The following TBC1D12 variants were observed in gnomAD, a reference collection of about 807,000 sequenced individuals.
TBC1D12 encodes TBC1 domain family, member 12.
A neutral mutation model predicts 86.7 loss-of-function variants in TBC1D12; 56 were observed. The observed-to-expected ratio is 0.65, with a 90% CI of 0.52 to 0.81. TBC1D12 has a LOEUF of 0.81. Ranked by LOEUF, TBC1D12 falls within the 30% of genes least tolerant of loss-of-function variation. TBC1D12 has a pLI of 0.00. For missense variants in TBC1D12, 1,023 were observed against 1,038.8 expected, an observed-to-expected ratio of 0.98 and a Z score of 0.21; for synonymous variants, 421 against 411.7, an observed-to-expected ratio of 1.02 and a Z score of -0.27.
intron 1 of TBC1D12, among the ~76,000 whole-genome samples, chr10:94,429,734 C>A (rs1210152454): frequency 6.6e-6 from 1 of 151,936 alleles, no homozygotes; most frequent in African/African-American, 2.4e-5. Flanking sequence ...TGATTCTATC[C>A]CCTCCACTTT....
chr10:94,402,659 A>G lies in TBC1D12; in HGVS notation c.46A>G (p.Lys16Glu). 6.2e-7 allele frequency: 1 copy of G among 1,611,214 alleles called. No homozygotes were observed. The highest frequency in any genetic ancestry group is 8.5e-7 in the Non-Finnish European group (1 of 1,179,396). The stretch of plus-strand genomic sequence containing the variant: ...CGGAGCCTGCTCGGGAAGAAACCCC[A>G]AGTTGCTCCCGGTGCCTGCGCCGGA... The part of the protein sequence containing the change: ...DAGACSGRNP[K>E]LLPVPAPDPV... The change falls in exon 1 of 13, where the codon AAG becomes GAG. Residue 16 changes from lysine to glutamate, a missense_variant. Lys to Glu is a moderately conservative substitution (Grantham distance 56). Around this residue, in one of 2 missense-constraint regions of TBC1D12, gnomAD observed 628 missense variants for 531.1 expected, o/e 1.18. Coordinates refer to ENST00000225235, the MANE Select transcript of TBC1D12 (RefSeq NM_015188.2).
intron 1 of TBC1D12, among the ~76,000 whole-genome samples, chr10:94,422,537 A>AT (rs2055089663): frequency 1.3e-5 from 2 of 150,828 alleles, no homozygotes; most frequent in African/African-American, 4.9e-5. Context: ...TACCTTATTT[A>AT]TTTTTTCTTC....
At chr10:94,453,389 ATGTC>A (rs915514903) in intron 2 of TBC1D12, among the ~76,000 whole-genome samples, 34 of 152,244 alleles carry the variant, frequency 2.2e-4, no homozygotes, top group African/African-American at 8.2e-4. Flanking sequence ...GTGTGCATGT[ATGTC>A]TGTGTGTGTG....
rs912215283 is a variant in TBC1D12 at position 94,441,757 on chromosome 10, A to G, written c.972-139A>G. On this transcript the variant is annotated intron_variant, in intron 1 of 12. Coordinates refer to ENST00000225235, the MANE Select transcript of TBC1D12 (RefSeq NM_015188.2). ...TAATTGAGCCTTATTATTCTAAGTA[A>G]TAGTGGTATAAGTAGTAGAAATAGT... 6 of 748,346 alleles carry G rather than the reference A, an allele frequency of 8.0e-6. No homozygotes were observed. The African/African-American group carries it at 1.1e-4, about 13-fold the overall frequency. 46.4% of individuals were successfully genotyped at this position (748,346 alleles called of 1,614,324 possible).
rs1842473909 is a variant in TBC1D12 at position 94,533,249 on chromosome 10, TAAATG to T, written c.*158_*162del. 1 of 503,798 alleles carries T rather than the reference TAAATG, an allele frequency of 2.0e-6. No individual in the cohort carries two copies. Among genetic ancestry groups the T allele is most frequent in the Non-Finnish European group, 3.5e-6 (1 of 289,800 alleles). The allele number at this position is 503,798 out of a possible 1,614,324, so 31.2% of individuals were successfully genotyped here. A position where few individuals can be genotyped will look rare whatever the true frequency, so the allele number is the denominator to read the frequency against. On this transcript the variant is annotated 3_prime_UTR_variant, in exon 13 of 13. Coordinates refer to ENST00000225235, the MANE Select transcript of TBC1D12 (RefSeq NM_015188.2). ...CTGATTTTACATTTTATGGCTGAAG[TAAATG>T]AAATAAGTAACTTATTGACAGTATT...
At position 94,403,442 on chromosome 10, in the gene TBC1D12, T is replaced by C. The variant is rs2054800387; in HGVS notation, c.829T>C (p.Phe277Leu). The stretch of plus-strand genomic sequence containing the variant: ...CATTCACTTCAACTCTCGCAACACG[T>C]TCCAGGTGAGCCGCGGTCAGAGCGC... The part of the protein sequence containing the change: ...SDIHFNSRNT[F>L]QVSRGQSARD... The change falls in exon 1 of 13, where the codon TTC (phenylalanine) becomes CTC (leucine). Residue 277 changes from phenylalanine to leucine, a missense_variant. Phe to Leu is a conservative substitution (Grantham distance 22). This residue lies in a region of TBC1D12 where 628 missense variants were observed against 531.1 expected (regional missense o/e 1.18). Transcript: ENST00000225235. The C allele has an allele frequency of 6.5e-7, 1 of 1,546,990 alleles. No homozygotes were observed. Among genetic ancestry groups the C allele is most frequent in the Non-Finnish European group, 8.7e-7 (1 of 1,146,480 alleles).
intron 1 of TBC1D12, among the ~76,000 whole-genome samples, chr10:94,418,797 G>A (rs1332610632): frequency 1.3e-5 from 2 of 151,512 alleles, no homozygotes; most frequent in African/African-American, 2.4e-5. Flanking sequence ...GGTCTTGAAC[G>A]CCTGACCTCA....
intron 1 of TBC1D12, among the ~76,000 whole-genome samples, chr10:94,437,404 C>T (rs113742603): frequency 2.4e-4 from 37 of 151,942 alleles, no homozygotes; most frequent in African/African-American, 7.5e-4. Context: ...TGGCTCACTG[C>T]GAGCTCCGCC....
At chr10:94,524,580 A>G (rs954971338) in intron 11 of TBC1D12, among the ~76,000 whole-genome samples, 2 of 151,972 alleles carry the variant, frequency 1.3e-5, no homozygotes, top group African/African-American at 2.4e-5. Flanking sequence ...TTCTACTAAA[A>G]ATAGAAAAAT....
chr10:94,433,605 A>G (rs1303938244), intron 1 of TBC1D12, among the ~76,000 whole-genome samples: 1 of 152,230 alleles, frequency 6.6e-6, no homozygotes, highest in Non-Finnish European at 1.5e-5. Context: ...GTAAAGCTAT[A>G]GAGACATAAA....
At chr10:94,423,667 T>C (rs891574945) in intron 1 of TBC1D12, among the ~76,000 whole-genome samples, 1 of 152,118 alleles carries the variant, frequency 6.6e-6, no homozygotes, top group Non-Finnish European at 1.5e-5. Flanking sequence ...ATTTTTTAAC[T>C]TTCTCAATCT....
intron 1 of TBC1D12, among the ~76,000 whole-genome samples, chr10:94,422,035 T>C (rs1413324768): frequency 1.3e-5 from 2 of 152,204 alleles, no homozygotes; most frequent in Non-Finnish European, 2.9e-5. Context: ...TTAAATTTTA[T>C]GTATATACAG....
At chr10:94,495,967 G>A (rs1293276835) in intron 4 of TBC1D12, among the ~76,000 whole-genome samples, 1 of 152,092 alleles carries the variant, frequency 6.6e-6, no homozygotes, top group Non-Finnish European at 1.5e-5. Context: ...GCTGGGCATG[G>A]TGGTGTGACC....
In TBC1D12 at chr10:94,535,756, G is replaced by A. The variant is rs1842529416; in HGVS notation, c.*2660G>A. On this transcript the variant is annotated 3_prime_UTR_variant, in exon 13 of 13. Transcript: ENST00000225235. ...TGACTAAATTTAATCATACTTTCAT[G>A]TATTTGTTTCCTCAGTTGGACCTAA... 1 of 152,064 alleles carries A rather than the reference G, an allele frequency of 6.6e-6. No individual in the cohort carries two copies. Among genetic ancestry groups the A allele is most frequent in the Non-Finnish European group, 1.5e-5 (1 of 67,978 alleles). 9.4% of individuals were successfully genotyped at this position (152,064 alleles called of 1,614,324 possible).
At chr10:94,437,181 ATTG>A (rs2055312144) in intron 1 of TBC1D12, among the ~76,000 whole-genome samples, 1 of 151,616 alleles carries the variant, frequency 6.6e-6, no homozygotes, top group Non-Finnish European at 1.5e-5. Context: ...CCTCTCACTT[ATTG>A]TTTTCAAAAT....
intron 4 of TBC1D12, among the ~76,000 whole-genome samples, chr10:94,496,468 A>G (rs1429068854): frequency 6.6e-6 from 1 of 152,212 alleles, no homozygotes; most frequent in Non-Finnish European, 1.5e-5. Flanking sequence ...TGCTACTGAC[A>G]AAATCATTTT....
intron 6 of TBC1D12, among the ~76,000 whole-genome samples, chr10:94,504,871 T>C (rs2056441448): frequency 6.6e-6 from 1 of 152,220 alleles, no homozygotes; most frequent in African/African-American, 2.4e-5. Context: ...AAGTATTCTC[T>C]GTTCAAGTCC....
intron 1 of TBC1D12, among the ~76,000 whole-genome samples, chr10:94,421,635 AT>A (rs371845686): frequency 5.1e-4 from 77 of 152,288 alleles, no homozygotes; most frequent in African/African-American, 1.8e-3. Context: ...AAGCTGCAGC[AT>A]TTTACATTCC....
At position 94,483,512 on chromosome 10, in the gene TBC1D12, G is replaced by A. The variant is rs1266833616; in HGVS notation, c.1211+8729G>A. On this transcript the variant is annotated intron_variant, in intron 3 of 12. Transcript: ENST00000225235. ...TTTGATTTGCATTTCTCTGATCAGTGATGTTGAGCACCTTTGAATATGGCT... is the reference window on the plus strand; with the variant it reads ...TTTGATTTGCATTTCTCTGATCAGTAATGTTGAGCACCTTTGAATATGGCT... Among the ~76,000 whole-genome samples, 3 of 152,156 alleles carry A rather than the reference G, an allele frequency of 2.0e-5. No individual in the cohort carries two copies. In the East Asian group the frequency reaches 5.8e-4, roughly 29 times the overall value.
Sources: gnomAD v4.1 joint callset for allele counts (sites outside exome capture counted in the v4.1 genomes callset) on GRCh38, gnomAD v4.1.1 for gene constraint, gnomAD v4.1.1 regional missense constraint, MANE v1.5 for transcripts, NCBI Gene and HGNC (gene_info 2026-07-23, HGNC 2026-07-21) for gene names.